Variants in ATOSA observed in about 807,000 individuals in gnomAD.
ATOSA encodes atos homolog A, also known as atos homolog protein A.
At chr15:52,681,432 C>A in the ATOSA span, among the ~76,000 whole-genome samples, 5 of 152,132 alleles carry the variant, frequency 3.3e-5, no homozygotes, top group African/African-American at 1.2e-4. Flanking sequence ...ATTCTAACAC[C>A]TTTGTTTCAC....
At chr15:52,636,010 T>A in the ATOSA span, among the ~76,000 whole-genome samples, 1 of 147,672 alleles carries the variant, frequency 6.8e-6, no homozygotes, top group East Asian at 2.0e-4. Flanking sequence ...CTCTGTCAAA[T>A]AATAAATAAA....
chr15:52,589,276 TTACTC>T, the ATOSA span, among the ~76,000 whole-genome samples: 1 of 152,198 alleles, frequency 6.6e-6, no homozygotes, highest in African/African-American at 2.4e-5. Flanking sequence ...GTGTGGCTAT[TTACTC>T]TACATGAAAA....
the ATOSA span, chr15:52,648,537 T>C: frequency 1.3e-5 from 2 of 152,150 alleles, no homozygotes; most frequent in Non-Finnish European, 2.9e-5. Context: ...TAATTTCCTA[T>C]CATATTATTG....
the ATOSA span, among the ~76,000 whole-genome samples, chr15:52,626,804 G>C: frequency 3.9e-5 from 6 of 152,114 alleles, no homozygotes; most frequent in East Asian, 1.2e-3. Flanking sequence ...GTGGCTCAGG[G>C]AAGAATTATG....
chr15:52,676,441 G>A, the ATOSA span, among the ~76,000 whole-genome samples: 1 of 151,924 alleles, frequency 6.6e-6, no homozygotes, highest in African/African-American at 2.4e-5. Flanking sequence ...GGGTAAGTAC[G>A]TTTGTGAAAA....
the ATOSA span, among the ~76,000 whole-genome samples, chr15:52,633,593 G>T: frequency 6.6e-6 from 1 of 151,928 alleles, no homozygotes. Context: ...GAAAGCAAGC[G>T]CCAGAGAAAT....
chr15:52,594,487 T>G, the ATOSA span, among the ~76,000 whole-genome samples: 4 of 152,206 alleles, frequency 2.6e-5, no homozygotes, highest in Non-Finnish European at 4.4e-5. Flanking sequence ...GTGAGTAGCA[T>G]TCCTTTGATT....
the ATOSA span, chr15:52,600,185 G>T: frequency 1.2e-6 from 2 of 1,612,062 alleles, no homozygotes; most frequent in Non-Finnish European, 1.7e-6. Flanking sequence ...ACTCAAAAAT[G>T]GTTTTTCATG....
chr15:52,658,929 G>A, the ATOSA span: 1 of 396,314 alleles, frequency 2.5e-6, no homozygotes, highest in Non-Finnish European at 4.4e-6. Flanking sequence ...AGGTTGCAGT[G>A]AGCCACGATT....
At chr15:52,610,982 T>C in the ATOSA span, 1 of 900,604 alleles carries the variant, frequency 1.1e-6, no homozygotes, top group East Asian at 2.6e-5. Context: ...TCCAAATCTC[T>C]CTAACTTGTT....
chr15:52,680,534 C>G, the ATOSA span, among the ~76,000 whole-genome samples: 58 of 152,160 alleles, frequency 3.8e-4, no homozygotes, highest in Middle Eastern at 3.4e-3. Flanking sequence ...ATTGGCAGTT[C>G]CATTTTTTTG....
At chr15:52,607,756 G>A in the ATOSA span, among the ~76,000 whole-genome samples, 3 of 152,016 alleles carry the variant, frequency 2.0e-5, no homozygotes, top group Non-Finnish European at 4.4e-5. Context: ...ATAACTGAAC[G>A]TTATATACAA....
the ATOSA span, among the ~76,000 whole-genome samples, chr15:52,608,092 G>A: frequency 6.6e-6 from 1 of 151,948 alleles, no homozygotes; most frequent in Admixed American, 6.6e-5. Flanking sequence ...GTCTCACTAT[G>A]TTGCCCAGGC....
At chr15:52,614,183 G>C in the ATOSA span, among the ~76,000 whole-genome samples, 270 of 152,172 alleles carry the variant, frequency 1.8e-3, 1 homozygote, top group African/African-American at 6.3e-3. Flanking sequence ...TCGGCTCACT[G>C]CAACCTCCGC....
At chr15:52,596,276 A>C in the ATOSA span, among the ~76,000 whole-genome samples, 2 of 152,234 alleles carry the variant, frequency 1.3e-5, no homozygotes, top group Admixed American at 1.3e-4. Context: ...AATGTAGGCC[A>C]AACAAAATCT....
the ATOSA span, chr15:52,593,319 A>G: frequency 7.9e-6 from 3 of 378,636 alleles, no homozygotes; most frequent in Non-Finnish European, 1.5e-5. Context: ...ATGGAATTAC[A>G]GTGTCACTAA....
the ATOSA span, chr15:52,598,568 A>G: frequency 1.4e-4 from 22 of 152,328 alleles, no homozygotes; most frequent in East Asian, 4.2e-3. Flanking sequence ...AGCAGAGGAA[A>G]TATCTTCTGT....
chr15:52,592,450 G>A, the ATOSA span, among the ~76,000 whole-genome samples: 3,086 of 152,124 alleles, frequency 0.02, 88 homozygotes, highest in African/African-American at 0.063. Context: ...TCATATACTA[G>A]TACTCAGTAT....
At chr15:52,598,423 C>G in the ATOSA span, 1 of 152,168 alleles carries the variant, frequency 6.6e-6, no homozygotes. Flanking sequence ...CAAATAATGT[C>G]TAAGGATCAT....
Sources: gnomAD v4.1 joint callset for allele counts (sites outside exome capture counted in the v4.1 genomes callset) on GRCh38, gnomAD v4.1.1 for gene constraint, MANE v1.5 for transcripts, NCBI Gene and HGNC (gene_info 2026-07-23, HGNC 2026-07-21) for gene names.